The following FTO variants were observed in gnomAD, a reference collection of about 807,000 sequenced individuals.
FTO encodes alpha-ketoglutarate-dependent dioxygenase FTO.
FTO carries 47 observed loss-of-function variants against 63.9 expected under a neutral mutation model. The ratio of observed to expected loss-of-function variants is 0.74; its 90% CI spans 0.58 to 0.94. The LOEUF (loss-of-function observed/expected upper bound fraction) is 0.94. Ranked by LOEUF, FTO falls within the 40% of genes least tolerant of loss-of-function variation. The pLI is 0.00. For missense variants in FTO, 562 were observed against 618.1 expected (o/e 0.91, Z 0.96); for synonymous variants, 207 against 224.4 (o/e 0.92, Z 0.69).
chr16:53,910,585 G>A (rs1215104547), intron 7 of FTO, among the ~76,000 whole-genome samples: 1 of 152,064 alleles, frequency 6.6e-6, no homozygotes, highest in East Asian at 1.9e-4. Context: ...CACTTAGGCT[G>A]GAGTGCAGTG....
chr16:53,931,871 A>AACACAC (rs35135177), intron 7 of FTO, among the ~76,000 whole-genome samples: 24,963 of 145,646 alleles, frequency 0.17, 2,140 homozygotes, highest in Non-Finnish European at 0.18. Context: ...TTTTACATTA[A>AACACAC]ACACACACAC....
chr16:53,991,890 T>G (rs1458961565), intron 8 of FTO: 1 of 152,196 alleles, frequency 6.6e-6, no homozygotes, highest in Non-Finnish European at 1.5e-5. Flanking sequence ...AGGGTTCAGT[T>G]GGGCTACTGA....
chr16:53,967,026 T>C (rs1469500923), intron 8 of FTO, among the ~76,000 whole-genome samples: 1 of 152,242 alleles, frequency 6.6e-6, no homozygotes, highest in African/African-American at 2.4e-5. Flanking sequence ...GGAGCAGCAG[T>C]TCTTGGCTGG....
chr16:53,753,406 CTT>C (rs201595887), intron 1 of FTO, among the ~76,000 whole-genome samples: 16 of 145,192 alleles, frequency 1.1e-4, no homozygotes, highest in Admixed American at 3.5e-4. Context: ...GGAACTTACA[CTT>C]TTTTTTTTTT....
rs74921474 is a variant in FTO at position 53,749,979 on chromosome 16, A to G, written c.45+45750A>G. Among the ~76,000 whole-genome samples, 30 of 152,332 alleles carry G rather than the reference A, an allele frequency of 2.0e-4. No individual in the cohort carries two copies. In the East Asian group the frequency reaches 5.6e-3, roughly 28 times the overall value. The stretch of plus-strand genomic sequence containing the variant: ...GCAGATCTAATTTAGGGGCAGAAAG[A>G]GAGTTTGTTTCATCAGTTATCAAAG... On this transcript the variant is annotated intron_variant, in intron 1 of 8. Coordinates refer to ENST00000471389, the MANE Select transcript of FTO (RefSeq NM_001080432.3).
chr16:53,875,245 T>A lies in FTO; in HGVS notation c.975+1380T>A, dbSNP rs141002956. Among the ~76,000 whole-genome samples, 1,156 of 152,300 alleles carry A rather than the reference T, an allele frequency of 7.6e-3. 11 individuals are homozygous for A. Among genetic ancestry groups the A allele is most frequent in the Non-Finnish European group, 0.011 (732 of 68,028 alleles). ...CTCCTAAGAATCCCTTTCTTGTGGA[T>A]CACTTGAGTATATGGCTACTTAAGT... On this transcript the variant is annotated intron_variant, in intron 5 of 8. Coordinates refer to ENST00000471389, the MANE Select transcript of FTO (RefSeq NM_001080432.3).
chr16:53,957,348 T>A (rs182827644), intron 8 of FTO, among the ~76,000 whole-genome samples: 3 of 152,344 alleles, frequency 2.0e-5, no homozygotes, highest in African/African-American at 7.2e-5. Flanking sequence ...TATAATTCAT[T>A]TTTATTCTTC....
chr16:53,768,620 G>C (rs1050373395), intron 1 of FTO, among the ~76,000 whole-genome samples: 1 of 152,196 alleles, frequency 6.6e-6, no homozygotes, highest in African/African-American at 2.4e-5. Context: ...AGGCAGCTTT[G>C]TAAGTGGAGA....
chr16:53,953,285 A>G (rs557515938), intron 8 of FTO, among the ~76,000 whole-genome samples: 1 of 152,210 alleles, frequency 6.6e-6, no homozygotes, highest in African/African-American at 2.4e-5. Context: ...AACAAGAAGC[A>G]TTTGGCTCTG....
intron 7 of FTO, among the ~76,000 whole-genome samples, chr16:53,907,995 C>T (rs563697287): frequency 2.6e-4 from 39 of 152,282 alleles, no homozygotes; most frequent in African/African-American, 8.2e-4. Flanking sequence ...TTACCTGTTT[C>T]GTGAAGGTCC....
chr16:53,799,268 T>TAA (rs1382508782), intron 1 of FTO, among the ~76,000 whole-genome samples: 9 of 152,314 alleles, frequency 5.9e-5, no homozygotes, highest in Admixed American at 5.9e-4. Flanking sequence ...ATTTCTTTCT[T>TAA]AAATGCTTTG....
chr16:53,761,692 T>C (rs146585750), intron 1 of FTO, among the ~76,000 whole-genome samples: 60 of 152,300 alleles, frequency 3.9e-4, no homozygotes, highest in African/African-American at 1.3e-3. Context: ...CTGCTCAGTT[T>C]AGCAAAGAAT....
intron 8 of FTO, among the ~76,000 whole-genome samples, chr16:53,985,709 G>T (rs1409023304): frequency 6.6e-6 from 1 of 152,170 alleles, no homozygotes; most frequent in Non-Finnish European, 1.5e-5. Flanking sequence ...TCCGCTGTCA[G>T]TTCTCCACCT....
intron 1 of FTO, among the ~76,000 whole-genome samples, chr16:53,744,746 C>T (rs181323301): frequency 6.6e-6 from 1 of 152,264 alleles, no homozygotes. Flanking sequence ...TTTCCAAGGA[C>T]ACCTAGACAA....
chr16:54,076,534 C>T (rs1042057845), intron 8 of FTO, among the ~76,000 whole-genome samples: 1 of 152,126 alleles, frequency 6.6e-6, no homozygotes, highest in African/African-American at 2.4e-5. Context: ...CTGTGACAGT[C>T]AGTGTCTTTT....
At chr16:53,767,431 C>T (rs1421086) in intron 1 of FTO, among the ~76,000 whole-genome samples, 1 of 151,850 alleles carries the variant, frequency 6.6e-6, no homozygotes, top group Admixed American at 6.6e-5. Flanking sequence ...TGCAGCACAC[C>T]AGCATGGCAC....
At chr16:53,710,684 A>T (rs1194655376) in intron 1 of FTO, among the ~76,000 whole-genome samples, 1 of 152,206 alleles carries the variant, frequency 6.6e-6, no homozygotes, top group Non-Finnish European at 1.5e-5. Context: ...AACAAACTAA[A>T]AGTTGTTTCA....
At chr16:53,814,457 G>A (rs2078618301) in intron 2 of FTO, among the ~76,000 whole-genome samples, 1 of 152,160 alleles carries the variant, frequency 6.6e-6, no homozygotes, top group Admixed American at 6.5e-5. Flanking sequence ...ATGCTTCTGA[G>A]ACAGGTGTTA....
chr16:53,846,086 T>G (rs1567354210), intron 4 of FTO, among the ~76,000 whole-genome samples: 1 of 152,190 alleles, frequency 6.6e-6, no homozygotes, highest in Non-Finnish European at 1.5e-5. Context: ...CTTCCTAAAG[T>G]CACTTAGTTA....
Sources: allele counts gnomAD v4.1 joint callset (sites outside exome capture counted in the v4.1 genomes callset), GRCh38; gene constraint gnomAD v4.1.1; transcripts MANE v1.5; gene names NCBI Gene and HGNC (gene_info 2026-07-23, HGNC 2026-07-21).